Variants in CHRNA10 observed in about 807,000 individuals in gnomAD.
CHRNA10 encodes the protein neuronal acetylcholine receptor subunit alpha-10.
Under a neutral mutation model 36.0 loss-of-function variants are expected in CHRNA10, and 31 were observed. That is an observed-to-expected ratio of 0.86 (90% CI 0.65 to 1.16). The LOEUF is 1.16. CHRNA10 is among the 50% of genes most tolerant of loss of function. The pLI is 0.00. For synonymous variants in CHRNA10, 302 were observed against 287.0 expected, an observed-to-expected ratio of 1.05 and a Z score of -0.53; for missense variants, 648 against 640.9, an observed-to-expected ratio of 1.01 and a Z score of -0.12.
At chr11:3,670,936 C>A in intron 1 of CHRNA10, 1 of 440,716 alleles carries the variant, frequency 2.3e-6, no homozygotes, top group Non-Finnish European at 4.2e-6. Context: ...TAGTATGCTG[C>A]TGAAACCTTT....
chr11:3,666,716 C>G (rs2077665313), intron 4 of CHRNA10, 152 bp from the exon 5 acceptor site: 2 of 617,696 alleles, frequency 3.2e-6, no homozygotes, highest in Admixed American at 3.4e-5. Context: ...AGGTAAGGGC[C>G]GAGTTCTCCC....
intron 3 of CHRNA10, 81 bp downstream of exon 3, chr11:3,669,115 G>A: frequency 6.9e-7 from 1 of 1,452,234 alleles, no homozygotes; most frequent in East Asian, 2.3e-5. Context: ...ATGTGGTAGG[G>A]AGAGGGGATC....
At position 3,669,368 on chromosome 11, in the gene CHRNA10, TG is replaced by T; in HGVS notation, c.208-19del. On this transcript the variant is annotated intron_variant, in intron 2 of 4. Coordinates refer to ENST00000250699, the MANE Select transcript of CHRNA10 (RefSeq NM_020402.4). Reference sequence around the variant, plus strand: ...CGTTCATCCTAGTGGGGGCAGGGAATGGCAGAGATGTGGACATGTATATGCA... The same window carrying T: ...CGTTCATCCTAGTGGGGGCAGGGAATGCAGAGATGTGGACATGTATATGCA... The T allele has an allele frequency of 6.2e-7, 1 of 1,611,148 alleles. No individual in the cohort carries two copies. The highest frequency in any genetic ancestry group is 1.1e-5 in the South Asian group (1 of 90,608).
chr11:3,669,625 C>T, intron 2 of CHRNA10, 171 bp downstream of exon 2: 1 of 914,406 alleles, frequency 1.1e-6, no homozygotes, highest in Non-Finnish European at 1.7e-6. Flanking sequence ...GGTAGGCACC[C>T]AATACTCAGT....
Position 3,669,231 on chromosome 11 carries a change from A to ACTG in CHRNA10, c.324_326dup (p.Ser109dup). On this transcript the variant is annotated inframe_insertion, in exon 3 of 5. Transcript: ENST00000250699. The stretch of plus-strand genomic sequence containing the variant: ...GTACGATGTCTGGCCGCCACACAAG[A>ACTG]CTGCTGGGGATGCGGATGGCATCCA... The ACTG allele has an allele frequency of 6.2e-7, 1 of 1,613,936 alleles. No individual in the cohort carries two copies. The highest frequency in any genetic ancestry group is 8.5e-7 in the Non-Finnish European group (1 of 1,179,946).
chr11:3,670,338 G>A (rs771394555), intron 1 of CHRNA10, among the ~76,000 whole-genome samples: 11 of 151,950 alleles, frequency 7.2e-5, no homozygotes, highest in Non-Finnish European at 1.6e-4. Context: ...TCTCCATCTC[G>A]AGCTGGTTTC....
Position 3,666,394 on chromosome 11 carries a change from G to A in CHRNA10, c.1066C>T (p.Pro356Ser), listed in dbSNP as rs200226257. The change falls in exon 5 of 5, where the codon CCC becomes TCC. Residue 356 changes from proline (P) to serine (S), a missense_variant. Physicochemically the swap from Pro to Ser is moderately conservative, Grantham distance 74. Transcript: ENST00000250699. ...TCAGGTGGCCTGGACTGCCCACAGG[G>A]CTCCCCTCTTTCCCGCACGCACAGG... The part of the protein sequence containing the change: ...RGLCVRERGE[P>S]CGQSRPPELS... The A allele has an allele frequency of 2.5e-6, 4 of 1,613,768 alleles. No individual in the cohort carries two copies. The highest frequency in any genetic ancestry group is 1.7e-5 in the Admixed American group (1 of 60,012).
rs373381459 is a variant in CHRNA10, at chr11:3,671,333, G to A, written c.-21C>T. 2.6e-5 allele frequency: 42 copies of A among 1,613,234 alleles called. No homozygotes were observed. Among genetic ancestry groups the A allele is most frequent in the East Asian group, 6.7e-5 (3 of 44,862 alleles). ...CCCATGGCCCTGGCACTGCAAGAGC[G>A]GGGGCAGGTCTCTGGATGTGAGGCC... On this transcript the variant is annotated 5_prime_UTR_variant, in exon 1 of 5. Coordinates refer to ENST00000250699, the MANE Select transcript of CHRNA10 (RefSeq NM_020402.4).
intron 3 of CHRNA10, 150 bp from the exon 4 acceptor site, chr11:3,667,914 A>T: frequency 4.4e-6 from 3 of 684,056 alleles, no homozygotes; most frequent in Non-Finnish European, 6.8e-6. Context: ...GACACTCACG[A>T]CGCAGGGGAG....
rs1056711879 is a variant in CHRNA10, at chr11:3,665,886, C to CT, written c.*220dup. Reference sequence around the variant, plus strand: ...TGATCTTGGCCTTTGTAGAGTTCCTCTTTTTTTTGGAATTAGGGGAGTGGC... The same window carrying CT: ...TGATCTTGGCCTTTGTAGAGTTCCTCTTTTTTTTTGGAATTAGGGGAGTGGC... On this transcript the variant is annotated 3_prime_UTR_variant, in exon 5 of 5. Transcript: ENST00000250699. 59 of 478,520 alleles carry CT rather than the reference C, an allele frequency of 1.2e-4. No individual in the cohort carries two copies. Among genetic ancestry groups the CT allele is most frequent in the Middle Eastern group, 5.3e-4 (1 of 1,882 alleles). The allele number at this position is 478,520 out of a possible 1,614,324, so 29.6% of individuals were successfully genotyped here. A position where few individuals can be genotyped will look rare whatever the true frequency, so the allele number is the denominator to read the frequency against.
At chr11:3,670,083 A>G in intron 1 of CHRNA10, 142 bp from the exon 2 acceptor site, 1 of 897,240 alleles carries the variant, frequency 1.1e-6, no homozygotes, top group South Asian at 1.6e-5. Context: ...CTGTGGCTCT[A>G]GTTCCTCCCT....
chr11:3,667,340 CGGCA>C lies in CHRNA10; in HGVS notation c.783_786del (p.Ala262ThrfsTer44). The C allele has an allele frequency of 6.2e-7, 1 of 1,600,788 alleles. No homozygotes were observed. The highest frequency in any genetic ancestry group is 8.5e-7 in the Non-Finnish European group (1 of 1,178,518). On this transcript the variant is annotated frameshift_variant, in exon 4 of 5. Transcript: ENST00000250699. LOFTEE classifies it high-confidence loss of function. ...CCCAGCGACACCTTCTCGCCTGAGT[CGGCA>C]GGCAGGTGGAAGGCGAGCGGCGCAA...
Position 3,666,507 on chromosome 11 carries a change from A to C in CHRNA10, c.953T>G (p.Leu318Arg), listed in dbSNP as rs979030062. ...MVTFSTALTI[L>R]IMNLHYCGPS... ...ACCACAGTAATGCAGGTTCATGATA[A>C]GGATGGTGAGTGCTGTTGAGAATGT... The change falls in exon 5 of 5, where the codon CTT becomes CGT. Residue 318 changes from leucine (L) to arginine (R), a missense_variant. Transcript: ENST00000250699. 2 of 1,599,114 alleles carry C rather than the reference A, an allele frequency of 1.3e-6. No individual in the cohort carries two copies. Among genetic ancestry groups the C allele is most frequent in the Admixed American group, 3.4e-5 (2 of 58,342 alleles).
chr11:3,669,649 T>C, intron 2 of CHRNA10, 147 bp downstream of exon 2: 1 of 1,104,688 alleles, frequency 9.1e-7, no homozygotes, highest in South Asian at 1.3e-5. Context: ...CAACAGTCAG[T>C]ACCCAACAGT....
chr11:3,671,295 G>A lies in CHRNA10; in HGVS notation c.18C>T (p.His6=). ...GAAGCAGAAGGCCCAGGCTGAGGTG[G>A]TGGCTCCGGAGCCCCATGGCCCTGG... The part of the protein sequence containing the change: MGLRS[H]HLSLGLLLLF... Residue 6 remains histidine (H), a synonymous_variant, in exon 1 of 5, where the codon CAC becomes CAT. Coordinates refer to ENST00000250699, the MANE Select transcript of CHRNA10 (RefSeq NM_020402.4). 1 of 1,614,132 alleles carries A rather than the reference G, an allele frequency of 6.2e-7. No individual in the cohort carries two copies. Among genetic ancestry groups the A allele is most frequent in the Non-Finnish European group, 8.5e-7 (1 of 1,179,992 alleles).
In CHRNA10 at chr11:3,665,952, G is replaced by A; in HGVS notation, c.*155C>T. ...TTTAGTTAGGGTGTGTAGACAATGA[G>A]TGCTCCCTTGTGGATTGTGAAGTCA... On this transcript the variant is annotated 3_prime_UTR_variant, in exon 5 of 5. Coordinates refer to ENST00000250699, the MANE Select transcript of CHRNA10 (RefSeq NM_020402.4). 1 of 611,760 alleles carries A rather than the reference G, an allele frequency of 1.6e-6. No homozygotes were observed. The highest frequency in any genetic ancestry group is 2.7e-6 in the Non-Finnish European group (1 of 364,454). 37.9% of individuals were successfully genotyped at this position (611,760 alleles called of 1,614,324 possible).
intron 2 of CHRNA10, 94 bp from the exon 3 acceptor site, chr11:3,669,444 C>T (rs1016781284): frequency 3.4e-6 from 5 of 1,491,996 alleles, no homozygotes; most frequent in Middle Eastern, 4.6e-4. Flanking sequence ...GGTCAGCACC[C>T]ACAAACCTGA....
Position 3,666,317 on chromosome 11 carries a change from G to T in CHRNA10, c.1143C>A (p.Gly381=). 1 of 1,613,286 alleles carries T rather than the reference G, an allele frequency of 6.2e-7. No homozygotes were observed. Among genetic ancestry groups the T allele is most frequent in the South Asian group, 1.1e-5 (1 of 91,014 alleles). The part of the protein sequence containing the change: ...SPEGGAGPPA[G]PCHEPRCLCR... ...ACAGACATCGTGGCTCGTGGCAAGG[G>T]CCCGCTGGGGGGCCAGCCCCTCCTT... The change falls in exon 5 of 5, where the codon GGC becomes GGA. Residue 381 remains glycine (G), a synonymous_variant. Coordinates refer to ENST00000250699, the MANE Select transcript of CHRNA10 (RefSeq NM_020402.4).
intron 2 of CHRNA10, 46 bp downstream of exon 2, chr11:3,669,750 A>G: frequency 2.5e-6 from 4 of 1,610,286 alleles, no homozygotes; most frequent in Non-Finnish European, 3.4e-6. Flanking sequence ...ATTTCTTGAC[A>G]CTGTGACAGG....
Sources: allele counts gnomAD v4.1 joint callset (sites outside exome capture counted in the v4.1 genomes callset), GRCh38; gene constraint gnomAD v4.1.1; transcripts MANE v1.5; gene names NCBI Gene and HGNC (gene_info 2026-07-23, HGNC 2026-07-21).